Variants in RNF150 observed in about 807,000 individuals in gnomAD.
The protein encoded by RNF150 is ring finger protein 150.
A neutral mutation model predicts 39.3 loss-of-function variants in RNF150; 24 were observed. The ratio of observed to expected loss-of-function variants is 0.61; its 90% CI spans 0.44 to 0.86. The LOEUF is 0.86. RNF150 is among the 40% of genes least tolerant of loss of function. The pLI is 0.00. For missense variants in RNF150, 502 were observed against 587.8 expected, an observed-to-expected ratio of 0.85 and a Z score of 1.51; for synonymous variants, 255 against 227.3, an observed-to-expected ratio of 1.12 and a Z score of -1.10.
intron 6 of RNF150, among the ~76,000 whole-genome samples, chr4:140,888,176 C>G (rs1380040650): frequency 6.6e-6 from 1 of 152,122 alleles, no homozygotes. Context: ...GAAAGCAGGT[C>G]ATAACTGGTA....
At chr4:140,903,080 A>G (rs972678234) in intron 6 of RNF150, among the ~76,000 whole-genome samples, 1 of 152,182 alleles carries the variant, frequency 6.6e-6, no homozygotes, top group African/African-American at 2.4e-5. Context: ...TCTAACTTTA[A>G]TCACGGAGCT....
chr4:141,176,857 G>T (rs1029781217), intron 1 of RNF150, among the ~76,000 whole-genome samples: 1 of 151,604 alleles, frequency 6.6e-6, no homozygotes, highest in African/African-American at 2.4e-5. Flanking sequence ...ATCACAAAAG[G>T]GATAATATCA....
intron 1 of RNF150, among the ~76,000 whole-genome samples, chr4:141,108,107 GA>G (rs1739271201): frequency 6.6e-6 from 1 of 152,184 alleles, no homozygotes; most frequent in Non-Finnish European, 1.5e-5. Context: ...CATTCAGGGA[GA>G]AATGGTGTGA....
At chr4:140,869,766 A>G (rs1327189386) in intron 6 of RNF150, among the ~76,000 whole-genome samples, 1 of 152,228 alleles carries the variant, frequency 6.6e-6, no homozygotes, top group African/African-American at 2.4e-5. Context: ...CAGCATGTAC[A>G]GGTGGCTGGA....
intron 1 of RNF150, among the ~76,000 whole-genome samples, chr4:141,166,574 A>T (rs936887149): frequency 9.2e-5 from 14 of 152,148 alleles, no homozygotes; most frequent in Non-Finnish European, 1.8e-4. Flanking sequence ...TCCAGCAGCA[A>T]ATCAAAAAGC....
chr4:141,201,728 A>G (rs1389636204), intron 1 of RNF150, among the ~76,000 whole-genome samples: 4 of 152,094 alleles, frequency 2.6e-5, no homozygotes, highest in African/African-American at 4.8e-5. Flanking sequence ...TCCTTTCTAT[A>G]TCTCAATCTC....
chr4:141,021,652 T>C (rs1048463399), intron 1 of RNF150, among the ~76,000 whole-genome samples: 8 of 152,176 alleles, frequency 5.3e-5, no homozygotes, highest in Non-Finnish European at 1.2e-4. Context: ...TGACAAAAGT[T>C]ACAGATAATT....
chr4:140,874,769 A>G (rs1578919298), intron 6 of RNF150, among the ~76,000 whole-genome samples: 1 of 152,098 alleles, frequency 6.6e-6, no homozygotes, highest in Non-Finnish European at 1.5e-5. Context: ...CTGCCACGAC[A>G]CCTGTGCAGC....
At chr4:141,055,413 G>A (rs543405990) in intron 1 of RNF150, among the ~76,000 whole-genome samples, 9 of 152,106 alleles carry the variant, frequency 5.9e-5, no homozygotes, top group African/African-American at 1.9e-4. Flanking sequence ...AGTTTCAAGA[G>A]AGAATGAGTT....
intron 1 of RNF150, among the ~76,000 whole-genome samples, chr4:141,049,652 T>G (rs1262103244): frequency 6.6e-6 from 1 of 152,302 alleles, no homozygotes; most frequent in African/African-American, 2.4e-5. Context: ...AGTAGACTCA[T>G]TCAGTGCCAA....
chr4:140,959,118 G>A (rs909690084), intron 2 of RNF150, among the ~76,000 whole-genome samples: 9 of 152,000 alleles, frequency 5.9e-5, no homozygotes, highest in Non-Finnish European at 1.0e-4. Context: ...AACTCCACAT[G>A]GTCCTATGTA....
At chr4:141,005,931 T>C (rs1372777494) in intron 1 of RNF150, among the ~76,000 whole-genome samples, 1 of 145,890 alleles carries the variant, frequency 6.9e-6, no homozygotes, top group Non-Finnish European at 1.5e-5. Context: ...TAGCCGGGCG[T>C]AGTGGCGGGC....
intron 1 of RNF150, among the ~76,000 whole-genome samples, chr4:141,029,948 G>A (rs1735869471): frequency 6.6e-6 from 1 of 152,172 alleles, no homozygotes; most frequent in Non-Finnish European, 1.5e-5. Flanking sequence ...TGTAATCTCA[G>A]TACTTTGGGA....
chr4:140,949,101 A>C (rs112942968), intron 3 of RNF150, among the ~76,000 whole-genome samples, 200 bp downstream of exon 3: 1 of 152,190 alleles, frequency 6.6e-6, no homozygotes, highest in Admixed American at 6.5e-5. Flanking sequence ...TTTCTATACA[A>C]CTATTTTATT....
intron 4 of RNF150, among the ~76,000 whole-genome samples, chr4:140,930,931 G>A (rs1731610115): frequency 1.5e-5 from 1 of 66,958 alleles, no homozygotes; most frequent in South Asian, 4.9e-4. Context: ...TGCACTCCTG[G>A]ATCTGCTGGG....
In RNF150 at chr4:141,130,176, TGTTTGA is replaced by T. The variant is rs369628994; in HGVS notation, c.484+2143_484+2148del. Among the ~76,000 whole-genome samples the T allele has an allele frequency of 2.2e-3, 340 of 152,280 alleles. 5 individuals are homozygous for T. Among genetic ancestry groups the T allele is most frequent in the African/African-American group, 7.8e-3 (326 of 41,554 alleles). ...CTGACAGCCAGACAAGAGCTGGCAG[TGTTTGA>T]GATTTAGGCAGAAGAATTTCAGAGT... On this transcript the variant is annotated intron_variant, in intron 1 of 6. Transcript: ENST00000515673.
intron 6 of RNF150, among the ~76,000 whole-genome samples, chr4:140,873,512 A>G (rs1402282256): frequency 6.6e-6 from 1 of 152,116 alleles, no homozygotes; most frequent in African/African-American, 2.4e-5. Context: ...ATACTCCTTC[A>G]TCTTTTATAA....
chr4:140,950,250 T>C (rs1036537280), intron 2 of RNF150, among the ~76,000 whole-genome samples: 1 of 152,228 alleles, frequency 6.6e-6, no homozygotes, highest in South Asian at 2.1e-4. Context: ...GGACTAAGAT[T>C]AAGAGAGTTA....
At chr4:141,011,236 T>C (rs1269973553) in intron 1 of RNF150, among the ~76,000 whole-genome samples, 1 of 151,770 alleles carries the variant, frequency 6.6e-6, no homozygotes, top group Non-Finnish European at 1.5e-5. Context: ...TTTTATCTCA[T>C]TCAGACTAAT....
Sources: allele counts gnomAD v4.1 joint callset (sites outside exome capture counted in the v4.1 genomes callset), GRCh38; gene constraint gnomAD v4.1.1; transcripts MANE v1.5; gene names NCBI Gene and HGNC (gene_info 2026-07-23, HGNC 2026-07-21).